The following PGK2 variants were observed in gnomAD, a reference collection of about 807,000 sequenced individuals.
PGK2 encodes the protein epididymis secretory protein Li 272.
In PGK2, 5 loss-of-function variants were observed where a neutral mutation model predicts 5.2. The observed-to-expected ratio is 0.96, with a 90% CI of 0.50 to 2.01. The LOEUF is 2.01. PGK2 is among the 30% of genes most tolerant of loss of function. PGK2 has a pLI of 0.01. For synonymous variants in PGK2, 210 were observed against 182.6 expected (o/e 1.15, Z -1.21); for missense variants, 588 against 506.8 (o/e 1.16, Z -1.54).
rs1561922093 is a variant in PGK2 at position 49,786,295 on chromosome 6, A to T, written c.893T>A (p.Val298Asp). ...TGDKFDENAQ[V>D]GKATVASGIS... Reference sequence around the variant, plus strand: ...GCCAGATGCTACAGTGGCTTTTCCAACCTGAGCGTTCTCGTCAAACTTGTC... The same window carrying T: ...GCCAGATGCTACAGTGGCTTTTCCATCCTGAGCGTTCTCGTCAAACTTGTC... Residue 298 changes from valine to aspartate, a missense_variant, in exon 1 of 1, where the codon GTT becomes GAT. Physicochemically the swap from Val to Asp is radical, Grantham distance 152. Transcript: ENST00000304801. 1.9e-6 allele frequency: 3 copies of T among 1,614,136 alleles called. No individual in the cohort carries two copies. Among genetic ancestry groups the T allele is most frequent in the Non-Finnish European group, 1.7e-6 (2 of 1,179,988 alleles).
chr6:49,786,171 C>A lies in PGK2; in HGVS notation c.1017G>T (p.Pro339=). The A allele has an allele frequency of 1.9e-6, 3 of 1,614,120 alleles. No individual in the cohort carries two copies. The highest frequency in any genetic ancestry group is 2.5e-6 in the Non-Finnish European group (3 of 1,180,014). ...AQARLIVWNG[P]LGVFEWDAFA... is the part of the protein sequence containing the mutation. ...AGGCATCCCATTCAAATACTCCTAA[C>A]GGCCCATTCCAAACAATTAGCCTTG... The change falls in exon 1 of 1, where the codon CCG becomes CCT. Residue 339 remains proline, a synonymous_variant. Transcript: ENST00000304801.
chr6:49,787,014 T>G lies in PGK2; in HGVS notation c.174A>C (p.Val58=). Residue 58 remains valine, a synonymous_variant, in exon 1 of 1, where the codon GTA becomes GTC. Transcript: ENST00000304801. Reference sequence around the variant, plus strand: ...GCCGACCTAGATGACTCATAAGAACTACTGCCTTGGCTCCATTGTCCAGGC... The same window carrying G: ...GCCGACCTAGATGACTCATAAGAACGACTGCCTTGGCTCCATTGTCCAGGC... ...KYCLDNGAKA[V]VLMSHLGRPD... The G allele has an allele frequency of 6.2e-7, 1 of 1,614,144 alleles. No homozygotes were observed. The highest frequency in any genetic ancestry group is 8.5e-7 in the Non-Finnish European group (1 of 1,180,002).
rs758354741 is a variant in PGK2, at chr6:49,786,457, A to AG, written c.730_731insC (p.Phe244SerfsTer3). ...CTCCATGTTGTTGAGTACCTTAAGG[A>AG]AGGTATAAGCCATTCCACCACCAAT... On this transcript the variant is annotated frameshift_variant, in exon 1 of 1. Coordinates refer to ENST00000304801, the MANE Select transcript of PGK2 (RefSeq NM_138733.5). LOFTEE classifies it low-confidence loss of function (END_TRUNC). 3.7e-6 allele frequency: 6 copies of AG among 1,614,122 alleles called. No homozygotes were observed. The highest frequency in any genetic ancestry group is 1.6e-4 in the Middle Eastern group (1 of 6,062).
chr6:49,786,392 C>T lies in PGK2; in HGVS notation c.796G>A (p.Val266Ile), dbSNP rs770639068. The change falls in exon 1 of 1, where the codon GTT becomes ATT. Residue 266 changes from valine (V) to isoleucine (I), a missense_variant. Transcript: ENST00000304801. The stretch of plus-strand genomic sequence containing the variant: ...TGTGCTTTGGCCATGATATCTTTAA[C>T]GATCTTGGCTCCCTCTTCATCAAAC... ...SLFDEEGAKIVKDIMAKAQKN... is the reference protein window; with the variant it reads ...SLFDEEGAKIIKDIMAKAQKN... 15 of 1,613,936 alleles carry T rather than the reference C, an allele frequency of 9.3e-6. No individual in the cohort carries two copies. The highest frequency in any genetic ancestry group is 3.3e-5 in the South Asian group (3 of 91,080).
rs768014478 is a variant in PGK2, at chr6:49,786,710, C to T, written c.478G>A (p.Val160Ile). The T allele has an allele frequency of 9.7e-5, 157 of 1,614,008 alleles. No individual in the cohort carries two copies. The Admixed American group carries it at 2.5e-3, about 26-fold the overall frequency. ...FRASLSKLGDVYVNDAFGTAH... is the reference protein window; with the variant it reads ...FRASLSKLGDIYVNDAFGTAH... ...GTGCCAAAAGCATCATTGACATAGA[C>T]GTCCCCTAGCTTGGAAAGTGATGCT... The change falls in exon 1 of 1, where the codon GTC becomes ATC. Residue 160 changes from valine (V) to isoleucine (I), a missense_variant. Val to Ile is a conservative substitution (Grantham distance 29, BLOSUM62 3). Coordinates refer to ENST00000304801, the MANE Select transcript of PGK2 (RefSeq NM_138733.5).
rs767034775 is a variant in PGK2 at position 49,785,945 on chromosome 6, T to A, written c.1243A>T (p.Ser415Cys). 8.1e-6 allele frequency: 13 copies of A among 1,613,694 alleles called. No homozygotes were observed. The African/African-American group carries it at 1.5e-4, about 18-fold the overall frequency. Residue 415 changes from serine to cysteine, a missense_variant, in exon 1 of 1, where the codon AGC (serine) becomes TGC (cysteine). Coordinates refer to ENST00000304801, the MANE Select transcript of PGK2 (RefSeq NM_138733.5). ...GKILPGVEAL[S>C]NM Reference sequence around the variant, plus strand: ...TAACACTATATTAACTACATGTTGCTGAGGGCCTCTACTCCAGGAAGGATT... The same window carrying A: ...TAACACTATATTAACTACATGTTGCAGAGGGCCTCTACTCCAGGAAGGATT...
Position 49,786,809 on chromosome 6 carries a change from C to T in PGK2, c.379G>A (p.Glu127Lys), listed in dbSNP as rs1769918153. The change falls in exon 1 of 1, where the codon GAG becomes AAG. Residue 127 changes from glutamate (E) to lysine (K), a missense_variant. Transcript: ENST00000304801. ...GGATCTTGGCCCTTCCCTTCTTCCT[C>T]CACATGAAAGCGCAGGTTCTCCAGC... ...ILLENLRFHV[E>K]EEGKGQDPSG... 1.2e-6 allele frequency: 2 copies of T among 1,614,136 alleles called. No homozygotes were observed. Among genetic ancestry groups the T allele is most frequent in the Non-Finnish European group, 8.5e-7 (1 of 1,180,010 alleles).
At position 49,787,212 on chromosome 6, in the gene PGK2, G is replaced by T; in HGVS notation, c.-25C>A. The T allele has an allele frequency of 6.4e-7, 1 of 1,574,796 alleles. No individual in the cohort carries two copies. Among genetic ancestry groups the T allele is most frequent in the Non-Finnish European group, 8.7e-7 (1 of 1,152,874 alleles). ...TCTTGACAATATAAAGACATAGGCT[G>T]ACACCTGGATCTTAATGCTGAAGAA... On this transcript the variant is annotated 5_prime_UTR_variant, in exon 1 of 1. Transcript: ENST00000304801.
At position 49,786,351 on chromosome 6, in the gene PGK2, C is replaced by G; in HGVS notation, c.837G>C (p.Arg279Ser). Residue 279 changes from arginine (R) to serine (S), a missense_variant, in exon 1 of 1, where the codon AGG becomes AGC. Arg to Ser is a moderately radical substitution (Grantham distance 110). Coordinates refer to ENST00000304801, the MANE Select transcript of PGK2 (RefSeq NM_138733.5). ...IMAKAQKNGVRITFPVDFVTG... is the reference protein window; with the variant it reads ...IMAKAQKNGVSITFPVDFVTG... ...TAACAAAATCAACAGGAAAAGTAAT[C>G]CTTACACCATTCTTTTGTGCTTTGG... 6.2e-7 allele frequency: 1 copy of G among 1,614,126 alleles called. No homozygotes were observed. Among genetic ancestry groups the G allele is most frequent in the African/African-American group, 1.3e-5 (1 of 75,036 alleles).
chr6:49,786,347 T>A lies in PGK2; in HGVS notation c.841A>T (p.Thr281Ser). ...AKAQKNGVRITFPVDFVTGDK... is the reference protein window; with the variant it reads ...AKAQKNGVRISFPVDFVTGDK... ...CCAGTAACAAAATCAACAGGAAAAG[T>A]AATCCTTACACCATTCTTTTGTGCT... The change falls in exon 1 of 1, where the codon ACT becomes TCT. Residue 281 changes from threonine to serine, a missense_variant. By Grantham distance (58) the Thr-to-Ser change is moderately conservative. Coordinates refer to ENST00000304801, the MANE Select transcript of PGK2 (RefSeq NM_138733.5). 6.2e-6 allele frequency: 10 copies of A among 1,614,140 alleles called. No homozygotes were observed. Among genetic ancestry groups the A allele is most frequent in the Non-Finnish European group, 8.5e-6 (10 of 1,180,010 alleles).
In PGK2 at chr6:49,785,946, G is replaced by A. The variant is rs142237772; in HGVS notation, c.1242C>T (p.Leu414=). ...AACACTATATTAACTACATGTTGCTGAGGGCCTCTACTCCAGGAAGGATTT... is the reference window on the plus strand; with the variant it reads ...AACACTATATTAACTACATGTTGCTAAGGGCCTCTACTCCAGGAAGGATTT... ...EGKILPGVEA[L]SNM is the part of the protein sequence containing the mutation. Residue 414 remains leucine, a synonymous_variant, in exon 1 of 1, where the codon CTC becomes CTT. Coordinates refer to ENST00000304801, the MANE Select transcript of PGK2 (RefSeq NM_138733.5). 223 of 1,613,692 alleles carry A rather than the reference G, an allele frequency of 1.4e-4. No individual in the cohort carries two copies. In the African/African-American group the frequency reaches 2.6e-3, roughly 19 times the overall value.
At position 49,786,380 on chromosome 6, in the gene PGK2, T is replaced by G; in HGVS notation, c.808A>C (p.Met270Leu). 6.2e-7 allele frequency: 1 copy of G among 1,614,088 alleles called. No individual in the cohort carries two copies. Among genetic ancestry groups the G allele is most frequent in the Non-Finnish European group, 8.5e-7 (1 of 1,179,968 alleles). Residue 270 changes from methionine (M) to leucine (L), a missense_variant, in exon 1 of 1, where the codon ATG becomes CTG. Coordinates refer to ENST00000304801, the MANE Select transcript of PGK2 (RefSeq NM_138733.5). ...ACACCATTCTTTTGTGCTTTGGCCATGATATCTTTAACGATCTTGGCTCCC... is the reference window on the plus strand; with the variant it reads ...ACACCATTCTTTTGTGCTTTGGCCAGGATATCTTTAACGATCTTGGCTCCC... ...EEGAKIVKDI[M>L]AKAQKNGVRI...
chr6:49,785,836 T>C lies in PGK2; in HGVS notation c.*98A>G, dbSNP rs565893503. 1.7e-4 allele frequency: 160 copies of C among 937,380 alleles called. No homozygotes were observed. In the African/African-American group the frequency reaches 2.3e-3, roughly 13 times the overall value. 58.1% of individuals were successfully genotyped at this position (937,380 alleles called of 1,614,324 possible). On this transcript the variant is annotated 3_prime_UTR_variant, in exon 1 of 1. Coordinates refer to ENST00000304801, the MANE Select transcript of PGK2 (RefSeq NM_138733.5). Reference sequence around the variant, plus strand: ...CTTGTCCATTACATAGGTCTTGATCTAGGAGTAGATTTTAACAAAAGTCAC... The same window carrying C: ...CTTGTCCATTACATAGGTCTTGATCCAGGAGTAGATTTTAACAAAAGTCAC...
rs1268195995 is a variant in PGK2, at chr6:49,786,372, T to G, written c.816A>C (p.Lys272Asn). 6.2e-7 allele frequency: 1 copy of G among 1,614,050 alleles called. No homozygotes were observed. The highest frequency in any genetic ancestry group is 8.5e-7 in the Non-Finnish European group (1 of 1,180,028). Residue 272 changes from lysine (K) to asparagine (N), a missense_variant, in exon 1 of 1, where the codon AAA becomes AAC. Physicochemically the swap from Lys to Asn is moderately conservative, Grantham distance 94 (BLOSUM62 0). Transcript: ENST00000304801. Reference sequence around the variant, plus strand: ...TAATCCTTACACCATTCTTTTGTGCTTTGGCCATGATATCTTTAACGATCT... The same window carrying G: ...TAATCCTTACACCATTCTTTTGTGCGTTGGCCATGATATCTTTAACGATCT... ...GAKIVKDIMA[K>N]AQKNGVRITF... is the part of the protein sequence containing the mutation.
chr6:49,786,789 T>G lies in PGK2; in HGVS notation c.399A>C (p.Gln133His), dbSNP rs557577912. 6.2e-7 allele frequency: 1 copy of G among 1,614,162 alleles called. No homozygotes were observed. The highest frequency in any genetic ancestry group is 1.7e-5 in the Admixed American group (1 of 60,002). The change falls in exon 1 of 1, where the codon CAA becomes CAC. Residue 133 changes from glutamine to histidine, a missense_variant. Physicochemically the swap from Gln to His is conservative, Grantham distance 24. Coordinates refer to ENST00000304801, the MANE Select transcript of PGK2 (RefSeq NM_138733.5). ...RFHVEEEGKG[Q>H]DPSGKKIKAE... is the part of the protein sequence containing the mutation. ...CTTTAATCTTCTTTCCAGAGGGATC[T>G]TGGCCCTTCCCTTCTTCCTCCACAT...
chr6:49,785,738 T>C lies in PGK2; in HGVS notation c.*196A>G. ...ACAATGGTGAAGTTCAAATGAGAAC[T>C]TGAACAGGCAAATGCGTGACCAAAC... On this transcript the variant is annotated 3_prime_UTR_variant, in exon 1 of 1. Coordinates refer to ENST00000304801, the MANE Select transcript of PGK2 (RefSeq NM_138733.5). 1.7e-6 allele frequency: 1 copy of C among 580,102 alleles called. No homozygotes were observed. The highest frequency in any genetic ancestry group is 3.0e-5 in the Admixed American group (1 of 33,402). 35.9% of individuals were successfully genotyped at this position (580,102 alleles called of 1,614,324 possible).
rs747519956 is a variant in PGK2 at position 49,786,366 on chromosome 6, T to C, written c.822A>G (p.Gln274=). ...KIVKDIMAKA[Q]KNGVRITFPV... The stretch of plus-strand genomic sequence containing the variant: ...GAAAAGTAATCCTTACACCATTCTT[T>C]TGTGCTTTGGCCATGATATCTTTAA... Residue 274 remains glutamine (Q), a synonymous_variant, in exon 1 of 1, where the codon CAA becomes CAG. Coordinates refer to ENST00000304801, the MANE Select transcript of PGK2 (RefSeq NM_138733.5). The C allele has an allele frequency of 6.2e-7, 1 of 1,614,176 alleles. No homozygotes were observed. The highest frequency in any genetic ancestry group is 1.7e-5 in the Admixed American group (1 of 60,016).
chr6:49,786,204 C>T lies in PGK2; in HGVS notation c.984G>A (p.Val328=). 6.2e-7 allele frequency: 1 copy of T among 1,614,136 alleles called. No individual in the cohort carries two copies. The highest frequency in any genetic ancestry group is 8.5e-7 in the Non-Finnish European group (1 of 1,180,022). ...TCCAAACAATTAGCCTTGCTTGAGC[C>T]ACAACTTGAGCATGATTCTTGTTGC... ...PESNKNHAQV[V]AQARLIVWNG... Residue 328 remains valine (V), a synonymous_variant, in exon 1 of 1, where the codon GTG becomes GTA. Transcript: ENST00000304801.
Position 49,786,598 on chromosome 6 carries a change from A to G in PGK2, c.590T>C (p.Phe197Ser). The change falls in exon 1 of 1, where the codon TTT (phenylalanine) becomes TCT (serine). Residue 197 changes from phenylalanine to serine, a missense_variant. Phe to Ser is a radical substitution (Grantham distance 155). Transcript: ENST00000304801. ...GFLMKKELDY[F>S]AKALENPVRP... ...CACTGGGTTTTCCAAGGCTTTAGCA[A>G]AGTAATCTAGTTCCTTCTTCATCAA... 4 of 1,614,126 alleles carry G rather than the reference A, an allele frequency of 2.5e-6. No individual in the cohort carries two copies. Among genetic ancestry groups the G allele is most frequent in the Non-Finnish European group, 3.4e-6 (4 of 1,180,018 alleles).
Sources: allele counts gnomAD v4.1 joint callset, GRCh38; gene constraint gnomAD v4.1.1; transcripts MANE v1.5; gene names NCBI Gene and HGNC (gene_info 2026-07-23, HGNC 2026-07-21).